The following NCAM1 variants were observed in gnomAD, a reference collection of about 807,000 sequenced individuals.
NCAM1 encodes antigen recognized by monoclonal antibody 5.1H11.
A neutral mutation model predicts 109.8 loss-of-function variants in NCAM1; 14 were observed. The observed-to-expected ratio is 0.13, with a 90% CI of 0.08 to 0.20. The LOEUF (loss-of-function observed/expected upper bound fraction) is 0.20. Among genes scored for constraint, NCAM1 ranks in the 10% least tolerant of loss-of-function variants. The pLI, the probability that NCAM1 is intolerant of heterozygous loss-of-function variation, is 1.00. For missense variants in NCAM1, 774 were observed against 1,109.9 expected (o/e 0.70, Z 4.30); for synonymous variants, 418 against 442.9 (o/e 0.94, Z 0.70).
chr11:113,004,636 T>C (rs1470302109), intron 1 of NCAM1, among the ~76,000 whole-genome samples: 1 of 152,112 alleles, frequency 6.6e-6, no homozygotes, highest in Non-Finnish European at 1.5e-5. Context: ...CTCTTTGGAG[T>C]GTACCCTATT....
chr11:113,063,684 A>G (rs1366962079), intron 1 of NCAM1, among the ~76,000 whole-genome samples: 1 of 152,198 alleles, frequency 6.6e-6, no homozygotes, highest in Non-Finnish European at 1.5e-5. Context: ...TGATGGACCC[A>G]TAAGCCCTTC....
rs1402753905 is a variant in NCAM1, at chr11:113,264,380, C to T, written c.2131+4057C>T. 7.1e-6 allele frequency: 7 copies of T among 985,308 alleles called. No individual in the cohort carries two copies. In the South Asian group the frequency reaches 2.8e-4, roughly 40 times the overall value. 61.0% of individuals were successfully genotyped at this position (985,308 alleles called of 1,614,324 possible). A position where few individuals can be genotyped will look rare whatever the true frequency, so the allele number is the denominator to read the frequency against. ...TAATCCCCAGCGCTCAGTTTAGAGG[C>T]TCACGTGCAGACATCAGAGGCTCCA... On this transcript the variant is annotated intron_variant, in intron 17 of 19. Coordinates refer to ENST00000316851, the MANE Select transcript of NCAM1 (RefSeq NM_181351.5).
chr11:113,252,217 C>T (rs782759203), intron 15 of NCAM1, among the ~76,000 whole-genome samples: 1 of 152,060 alleles, frequency 6.6e-6, no homozygotes, highest in Non-Finnish European at 1.5e-5. Flanking sequence ...AGTTCAAGAC[C>T]AGCCTCAGTA....
At chr11:113,070,711 AG>A (rs1437040237) in intron 1 of NCAM1, among the ~76,000 whole-genome samples, 1 of 152,198 alleles carries the variant, frequency 6.6e-6, no homozygotes, top group African/African-American at 2.4e-5. Context: ...GCTGGGAAGC[AG>A]GCCTGGAAGC....
At position 113,204,484 on chromosome 11, in the gene NCAM1, C is replaced by T; in HGVS notation, c.326C>T (p.Thr109Ile). 1 of 1,613,972 alleles carries T rather than the reference C, an allele frequency of 6.2e-7. No individual in the cohort carries two copies. Among genetic ancestry groups the T allele is most frequent in the Non-Finnish European group, 8.5e-7 (1 of 1,179,874 alleles). Residue 109 changes from threonine to isoleucine, a missense_variant, in exon 3 of 20, where the codon ACC becomes ATC. Transcript: ENST00000316851. ...TGEDGSESEA[T>I]VNVKIFQKLM... is the part of the protein sequence containing the mutation. ...GAGGATGGCAGTGAGTCAGAGGCCACCGTCAACGTGAAGATCTTTCGTAAG... is the reference window on the plus strand; with the variant it reads ...GAGGATGGCAGTGAGTCAGAGGCCATCGTCAACGTGAAGATCTTTCGTAAG...
In NCAM1 at chr11:113,150,288, T is replaced by A. The variant is rs530756631; in HGVS notation, c.53-52091T>A. ...TTGAAAAAAATGGATTGGGCCATCATTCTAGTTTAAAATGATTTATGATTA... is the reference window on the plus strand; with the variant it reads ...TTGAAAAAAATGGATTGGGCCATCAATCTAGTTTAAAATGATTTATGATTA... On this transcript the variant is annotated intron_variant, in intron 1 of 19. Coordinates refer to ENST00000316851, the MANE Select transcript of NCAM1 (RefSeq NM_181351.5). 1.4e-4 allele frequency among the ~76,000 whole-genome samples: 22 copies of A among 152,296 alleles called. No homozygotes were observed. The South Asian group carries it at 4.1e-3, about 29-fold the overall frequency.
chr11:113,013,480 G>A (rs12419010), intron 1 of NCAM1, among the ~76,000 whole-genome samples: 6,147 of 149,234 alleles, frequency 0.041, 434 homozygotes, highest in East Asian at 0.14. Context: ...CCACAAAAAT[G>A]TTGATCATAT....
intron 1 of NCAM1, among the ~76,000 whole-genome samples, chr11:113,025,778 C>CGA (rs199893109): frequency 0.17 from 19,545 of 117,182 alleles, 1,516 homozygotes; most frequent in Non-Finnish European, 0.22. Flanking sequence ...CACAGGGAGC[C>CGA]GAGAGAGAGA....
In NCAM1 at chr11:112,989,861, G is replaced by A. The variant is rs529906273; in HGVS notation, c.52+28197G>A. 3.9e-5 allele frequency among the ~76,000 whole-genome samples: 6 copies of A among 152,234 alleles called. No homozygotes were observed. The Middle Eastern group carries it at 0.01, about 259-fold the overall frequency. On this transcript the variant is annotated intron_variant, in intron 1 of 19. Coordinates refer to ENST00000316851, the MANE Select transcript of NCAM1 (RefSeq NM_181351.5). ...TGTGATTCCTTCTACTGTTCATCAAGGTTACCTTAATTCCTCTAAAGATGC... is the reference window on the plus strand; with the variant it reads ...TGTGATTCCTTCTACTGTTCATCAAAGTTACCTTAATTCCTCTAAAGATGC...
At chr11:112,967,993 C>T (rs1442923867) in intron 1 of NCAM1, among the ~76,000 whole-genome samples, 2 of 152,162 alleles carry the variant, frequency 1.3e-5, no homozygotes, top group African/African-American at 2.4e-5. Flanking sequence ...GTCCCAGTCC[C>T]CCAGAGCCTT....
intron 15 of NCAM1, among the ~76,000 whole-genome samples, chr11:113,249,598 T>C (rs1945601300): frequency 6.6e-6 from 1 of 152,222 alleles, no homozygotes; most frequent in African/African-American, 2.4e-5. Flanking sequence ...CTTGTGGCCT[T>C]GGAGGCAGGA....
At chr11:113,116,452 A>AC (rs1426411175) in intron 1 of NCAM1, among the ~76,000 whole-genome samples, 1 of 152,218 alleles carries the variant, frequency 6.6e-6, no homozygotes, top group Non-Finnish European at 1.5e-5. Flanking sequence ...AGCCCAACAG[A>AC]CCTGGTGGAC....
chr11:113,015,643 G>A (rs1952188402), intron 1 of NCAM1, among the ~76,000 whole-genome samples: 1 of 152,000 alleles, frequency 6.6e-6, no homozygotes, highest in African/African-American at 2.4e-5. Context: ...GGCTGAGGCA[G>A]ATGAATTGCT....
At chr11:112,997,304 T>G (rs781790827) in intron 1 of NCAM1, among the ~76,000 whole-genome samples, 1 of 152,204 alleles carries the variant, frequency 6.6e-6, no homozygotes, top group Non-Finnish European at 1.5e-5. Context: ...AAACTAGTGA[T>G]AATTAAAATG....
At chr11:113,175,681 T>C (rs1943123015) in intron 1 of NCAM1, among the ~76,000 whole-genome samples, 1 of 152,242 alleles carries the variant, frequency 6.6e-6, no homozygotes, top group Non-Finnish European at 1.5e-5. Context: ...CATCTTTGTT[T>C]TCCTGTTTTT....
intron 1 of NCAM1, among the ~76,000 whole-genome samples, chr11:113,082,061 C>T (rs1435489979): frequency 1.3e-5 from 2 of 152,138 alleles, no homozygotes; most frequent in East Asian, 3.8e-4. Context: ...TGTGCTGTTT[C>T]GATTATAAGC....
chr11:113,036,500 C>T (rs1555079187), intron 1 of NCAM1, among the ~76,000 whole-genome samples: 1 of 152,088 alleles, frequency 6.6e-6, no homozygotes, highest in African/African-American at 2.4e-5. Flanking sequence ...TCACCTCCCA[C>T]TCTGCCCTTT....
chr11:113,271,231 G>A (rs998916176), intron 18 of NCAM1, among the ~76,000 whole-genome samples: 5 of 152,040 alleles, frequency 3.3e-5, no homozygotes, highest in East Asian at 1.9e-4. Context: ...TTAGCCAGGC[G>A]TGGTGGCATG....
intron 1 of NCAM1, among the ~76,000 whole-genome samples, chr11:113,029,456 A>T (rs1952651255): frequency 6.6e-6 from 1 of 152,200 alleles, no homozygotes; most frequent in Admixed American, 6.5e-5. Context: ...ACAAGTGTAT[A>T]TGCACATTTT....
Sources: allele counts gnomAD v4.1 joint callset (sites outside exome capture counted in the v4.1 genomes callset), GRCh38; gene constraint gnomAD v4.1.1; transcripts MANE v1.5; gene names NCBI Gene and HGNC (gene_info 2026-07-23, HGNC 2026-07-21).